The following DPP10 variants were observed in gnomAD, a reference collection of about 807,000 sequenced individuals.
DPP10 encodes the protein dipeptidyl peptidase like 10, also known as inactive dipeptidyl peptidase 10.
DPP10 carries 33 observed loss-of-function variants against 120.9 expected under a neutral mutation model. The ratio of observed to expected loss-of-function variants is 0.27; its 90% CI spans 0.21 to 0.37. DPP10 has a LOEUF of 0.37. Among genes scored for constraint, DPP10 ranks in the 10% least tolerant of loss-of-function variants. The pLI, the probability that DPP10 is intolerant of heterozygous loss-of-function variation, is 1.00. For synonymous variants in DPP10, 337 were observed against 326.1 expected (o/e 1.03, Z -0.36); for missense variants, 816 against 942.8 (o/e 0.87, Z 1.76).
chr2:115,621,584 A>T (rs990230037), intron 5 of DPP10, among the ~76,000 whole-genome samples: 2 of 152,096 alleles, frequency 1.3e-5, no homozygotes, highest in Non-Finnish European at 2.9e-5. Flanking sequence ...GGAAAACATA[A>T]CTCCGAGGTG....
At chr2:114,510,614 AC>A (rs1684060457) in intron 1 of DPP10, among the ~76,000 whole-genome samples, 1 of 152,154 alleles carries the variant, frequency 6.6e-6, no homozygotes, top group Admixed American at 6.5e-5. Flanking sequence ...AAAAAACAAA[AC>A]AAAAAAACAA....
intron 1 of DPP10, among the ~76,000 whole-genome samples, chr2:114,746,679 T>G (rs770539586): frequency 4.6e-5 from 7 of 152,142 alleles, no homozygotes; most frequent in Non-Finnish European, 1.0e-4. Context: ...TCTTTCTTCC[T>G]TTGCATTTGA....
At chr2:115,544,925 GT>G (rs1183342608) in intron 5 of DPP10, among the ~76,000 whole-genome samples, 7 of 152,136 alleles carry the variant, frequency 4.6e-5, no homozygotes, top group Non-Finnish European at 1.0e-4. Flanking sequence ...TCCTCAGAAA[GT>G]TTTTCTTGAC....
intron 1 of DPP10, among the ~76,000 whole-genome samples, chr2:114,848,053 G>C (rs901504493): frequency 6.6e-6 from 1 of 152,162 alleles, no homozygotes; most frequent in Non-Finnish European, 1.5e-5. Context: ...AAAGCCCTAA[G>C]GGGTCAAGGA....
chr2:114,936,292 A>G (rs1696462693), intron 1 of DPP10, among the ~76,000 whole-genome samples: 1 of 151,910 alleles, frequency 6.6e-6, no homozygotes, highest in Non-Finnish European at 1.5e-5. Context: ...CTCCAATTCC[A>G]TCCAGTTGCT....
intron 1 of DPP10, among the ~76,000 whole-genome samples, chr2:115,195,573 G>C (rs2055198720): frequency 6.6e-6 from 1 of 152,136 alleles, no homozygotes; most frequent in Admixed American, 6.5e-5. Context: ...TACTGCTTTT[G>C]ACTATATGTA....
intron 5 of DPP10, among the ~76,000 whole-genome samples, chr2:115,541,285 T>A (rs1251290030): frequency 6.6e-6 from 1 of 151,928 alleles, no homozygotes; most frequent in African/African-American, 2.4e-5. Context: ...TAGGTTAATT[T>A]AAAATTTCCC....
intron 1 of DPP10, among the ~76,000 whole-genome samples, chr2:114,866,960 G>A (rs1690288561): frequency 6.6e-6 from 1 of 152,148 alleles, no homozygotes; most frequent in Non-Finnish European, 1.5e-5. Flanking sequence ...CAGCCTTCCA[G>A]GTTAGGGGAG....
intron 1 of DPP10, among the ~76,000 whole-genome samples, chr2:114,488,332 T>G (rs530419249): frequency 2.6e-5 from 4 of 152,302 alleles, no homozygotes; most frequent in Admixed American, 2.6e-4. Flanking sequence ...CTCAGTTTCT[T>G]TATCTGTAAC....
intron 7 of DPP10, among the ~76,000 whole-genome samples, chr2:115,701,065 CT>C (rs1227714336): frequency 6.6e-6 from 1 of 152,082 alleles, no homozygotes; most frequent in East Asian, 1.9e-4. Flanking sequence ...CAAATAATGT[CT>C]TTTTTGCAGA....
At chr2:115,182,088 A>G (rs1000397139) in intron 1 of DPP10, among the ~76,000 whole-genome samples, 6 of 152,232 alleles carry the variant, frequency 3.9e-5, no homozygotes, top group Non-Finnish European at 7.3e-5. Flanking sequence ...TCACCTTTAT[A>G]TAGATGTAGT....
chr2:114,557,061 G>C (rs1688380566), intron 1 of DPP10, among the ~76,000 whole-genome samples: 2 of 149,732 alleles, frequency 1.3e-5, no homozygotes, highest in Non-Finnish European at 3.0e-5. Context: ...CTATTTGTTG[G>C]ATCTCTAGTT....
At chr2:114,994,116 G>C (rs1700928557) in intron 1 of DPP10, among the ~76,000 whole-genome samples, 1 of 151,972 alleles carries the variant, frequency 6.6e-6, no homozygotes, top group African/African-American at 2.4e-5. Flanking sequence ...TTCTGGGCTT[G>C]GTTTTTTTCT....
At chr2:114,902,463 T>A (rs1693658941) in intron 1 of DPP10, among the ~76,000 whole-genome samples, 1 of 152,216 alleles carries the variant, frequency 6.6e-6, no homozygotes, top group Admixed American at 6.5e-5. Flanking sequence ...TCACATTTTC[T>A]TGATTGCTAT....
In DPP10 at chr2:114,675,070, C is replaced by T. The variant is rs148235388; in HGVS notation, c.60+232232C>T. Among the ~76,000 whole-genome samples the T allele has an allele frequency of 1.6e-3, 240 of 152,220 alleles. 2 individuals carry two copies. Among genetic ancestry groups the T allele is most frequent in the African/African-American group, 5.4e-3 (226 of 41,546 alleles). ...TGCAGTATGCCAGCAGTTTTCCCAA[C>T]GGCCTGTCTTAATGTTTTGAAATTC... is the stretch of plus-strand genomic sequence containing the variant. On this transcript the variant is annotated intron_variant, in intron 1 of 25. Transcript: ENST00000410059.
intron 4 of DPP10, among the ~76,000 whole-genome samples, chr2:115,517,545 A>G (rs1222224937): frequency 4.6e-5 from 7 of 152,178 alleles, no homozygotes; most frequent in African/African-American, 1.7e-4. Flanking sequence ...TTTAACCTGT[A>G]GTCCAGTTAT....
chr2:115,841,325 C>T (rs1488960108), intron 25 of DPP10, among the ~76,000 whole-genome samples: 2 of 152,022 alleles, frequency 1.3e-5, no homozygotes, highest in Non-Finnish European at 2.9e-5. Flanking sequence ...TTTGCACTAC[C>T]ATTTATGTCT....
At chr2:115,410,842 C>G (rs2068899137) in intron 3 of DPP10, among the ~76,000 whole-genome samples, 1 of 152,084 alleles carries the variant, frequency 6.6e-6, no homozygotes, top group Non-Finnish European at 1.5e-5. Context: ...TCACATAATT[C>G]TTATAGTAAT....
rs533721536 is a variant in DPP10 at position 114,827,256 on chromosome 2, T to C, written c.60+384418T>C. On this transcript the variant is annotated intron_variant, in intron 1 of 25. Transcript: ENST00000410059. ...AATCTGGAGAGGTGTGTAATAATTA[T>C]TCTTGTAGATTCAGACCATCCTAAC... 1.3e-4 allele frequency among the ~76,000 whole-genome samples: 20 copies of C among 152,318 alleles called. No individual in the cohort carries two copies. The South Asian group carries it at 3.9e-3, about 30-fold the overall frequency.
Sources: gnomAD v4.1 joint callset for allele counts (sites outside exome capture counted in the v4.1 genomes callset) on GRCh38, gnomAD v4.1.1 for gene constraint, MANE v1.5 for transcripts, NCBI Gene and HGNC (gene_info 2026-07-23, HGNC 2026-07-21) for gene names.